Variants in SYNPR observed in about 807,000 individuals in gnomAD.
SYNPR encodes the protein synaptoporin.
A neutral mutation model predicts 32.9 loss-of-function variants in SYNPR; 23 were observed. That is an observed-to-expected ratio of 0.70 (90% confidence interval 0.50 to 0.99). The LOEUF (loss-of-function observed/expected upper bound fraction) is 0.99. SYNPR is among the 50% of genes least tolerant of loss of function. The probability of loss-of-function intolerance (pLI) is 0.00; values close to 1 mark genes in which losing one functional copy is unlikely to be tolerated. For synonymous variants in SYNPR, 146 were observed against 135.9 expected, an observed-to-expected ratio of 1.07 and a Z score of -0.52; for missense variants, 318 against 349.3, an observed-to-expected ratio of 0.91 and a Z score of 0.71.
intron 2 of SYNPR, among the ~76,000 whole-genome samples, chr3:63,341,196 A>G (rs1235974697): frequency 6.6e-6 from 1 of 152,212 alleles, no homozygotes; most frequent in Non-Finnish European, 1.5e-5. Context: ...AGGTTACTCC[A>G]TGTCTTCTGT....
intron 2 of SYNPR, among the ~76,000 whole-genome samples, chr3:63,322,016 C>A (rs1027705606): frequency 2.6e-5 from 4 of 151,928 alleles, no homozygotes; most frequent in African/African-American, 7.2e-5. Context: ...CAAGGGAGTC[C>A]ACTGTTGTTA....
At chr3:63,425,971 G>T (rs1699885936) in intron 2 of SYNPR, among the ~76,000 whole-genome samples, 1 of 151,886 alleles carries the variant, frequency 6.6e-6, no homozygotes, top group Non-Finnish European at 1.5e-5. Flanking sequence ...ATTTTTAGTA[G>T]AAATGGGGTT....
At chr3:63,345,221 C>G (rs2087422572) in intron 2 of SYNPR, among the ~76,000 whole-genome samples, 1 of 152,198 alleles carries the variant, frequency 6.6e-6, no homozygotes, top group Admixed American at 6.5e-5. Context: ...TGGTTTTAGT[C>G]TCAGAACAAG....
chr3:63,608,125 G>C (rs1320942585), intron 4 of SYNPR, among the ~76,000 whole-genome samples: 2 of 151,918 alleles, frequency 1.3e-5, no homozygotes. Flanking sequence ...TTAATACTAT[G>C]TTCTAATAGT....
chr3:63,291,511 G>A (rs1048411128), intron 2 of SYNPR, among the ~76,000 whole-genome samples: 1 of 152,138 alleles, frequency 6.6e-6, no homozygotes, highest in African/African-American at 2.4e-5. Flanking sequence ...TCTACAGCTG[G>A]AGGTTTGTGA....
At chr3:63,573,118 G>A (rs920075388) in intron 4 of SYNPR, among the ~76,000 whole-genome samples, 2 of 152,140 alleles carry the variant, frequency 1.3e-5, no homozygotes, top group Admixed American at 6.6e-5. Context: ...ATTAATTGCA[G>A]CTTCTAAAGA....
At chr3:63,461,258 T>C (rs1451306) in intron 2 of SYNPR, among the ~76,000 whole-genome samples, 59,870 of 151,870 alleles carry the variant, frequency 0.39, 12,473 homozygotes, top group African/African-American at 0.51. Context: ...ACTTGTAGCA[T>C]TAAGAAATGA....
At chr3:63,551,127 A>G (rs1482665063) in intron 3 of SYNPR, among the ~76,000 whole-genome samples, 2 of 152,168 alleles carry the variant, frequency 1.3e-5, no homozygotes, top group African/African-American at 2.4e-5. Context: ...TTGTCTCCAT[A>G]GATTTACCTA....
chr3:63,211,226 C>A, the SYNPR span, among the ~76,000 whole-genome samples: 70 of 152,276 alleles, frequency 4.6e-4, no homozygotes, highest in Admixed American at 2.4e-3. Flanking sequence ...CGCCACCACA[C>A]CTGGCTAATT....
the SYNPR span, among the ~76,000 whole-genome samples, chr3:63,220,155 G>C: frequency 6.6e-6 from 1 of 152,206 alleles, no homozygotes; most frequent in African/African-American, 2.4e-5. Flanking sequence ...GTGGAGGTGA[G>C]CAAGGTGAAA....
chr3:63,478,813 C>T (rs1474186395), intron 2 of SYNPR, among the ~76,000 whole-genome samples: 2 of 152,186 alleles, frequency 1.3e-5, no homozygotes, highest in Non-Finnish European at 2.9e-5. Context: ...CTTTCGACTC[C>T]ATCATTCCAT....
chr3:63,605,263 G>T (rs950215844), intron 4 of SYNPR, among the ~76,000 whole-genome samples: 1 of 152,174 alleles, frequency 6.6e-6, no homozygotes, highest in Non-Finnish European at 1.5e-5. Flanking sequence ...ACCAATTAAG[G>T]TGATAAAGCA....
At chr3:63,408,383 A>AGAAAG (rs2088417561) in intron 2 of SYNPR, among the ~76,000 whole-genome samples, 1 of 149,736 alleles carries the variant, frequency 6.7e-6, no homozygotes, top group Non-Finnish European at 1.5e-5. Flanking sequence ...AAAGAAAGAA[A>AGAAAG]AGGAAGGAAG....
chr3:63,548,470 GAGTA>G (rs34859488), intron 3 of SYNPR, among the ~76,000 whole-genome samples: 160 of 152,206 alleles, frequency 1.1e-3, no homozygotes, highest in African/African-American at 3.8e-3. Flanking sequence ...CACATAAGCT[GAGTA>G]AGTAAGAGTG....
At chr3:63,550,722 T>C (rs1702485884) in intron 3 of SYNPR, among the ~76,000 whole-genome samples, 1 of 152,238 alleles carries the variant, frequency 6.6e-6, no homozygotes. Flanking sequence ...GCCTGGCACC[T>C]GGAAACTATC....
intron 2 of SYNPR, among the ~76,000 whole-genome samples, chr3:63,373,076 T>G (rs1237701723): frequency 6.6e-6 from 1 of 152,048 alleles, no homozygotes; most frequent in East Asian, 1.9e-4. Flanking sequence ...AGAAGTCTAC[T>G]GGCTACTCAA....
At chr3:63,487,652 T>C (rs1701181225) in intron 3 of SYNPR, among the ~76,000 whole-genome samples, 1 of 152,210 alleles carries the variant, frequency 6.6e-6, no homozygotes, top group Non-Finnish European at 1.5e-5. Context: ...TAACTGTCTC[T>C]TGATTAACGT....
At chr3:63,320,823 C>T (rs911938579) in intron 2 of SYNPR, among the ~76,000 whole-genome samples, 57 of 152,060 alleles carry the variant, frequency 3.7e-4, no homozygotes, top group African/African-American at 1.1e-3. Context: ...TTGTGATTTA[C>T]TATGTGGCCT....
intron 2 of SYNPR, among the ~76,000 whole-genome samples, chr3:63,265,838 C>T (rs1012251293): frequency 6.6e-6 from 1 of 152,002 alleles, no homozygotes; most frequent in Non-Finnish European, 1.5e-5. Context: ...TTCAATAAAC[C>T]ATTATTGAAT....
Sources: gnomAD v4.1 joint callset for allele counts (sites outside exome capture counted in the v4.1 genomes callset) on GRCh38, gnomAD v4.1.1 for gene constraint, MANE v1.5 for transcripts, NCBI Gene and HGNC (gene_info 2026-07-23, HGNC 2026-07-21) for gene names.